CDK8: variants seen among roughly 807,000 people sequenced by gnomAD.
CDK8 encodes cyclin-dependent kinase 8.
A neutral mutation model predicts 71.5 loss-of-function variants in CDK8; 29 were observed. That is an observed-to-expected ratio of 0.41 (90% CI 0.30 to 0.55). The LOEUF (loss-of-function observed/expected upper bound fraction) is 0.55. CDK8 is among the 20% of genes least tolerant of loss of function. CDK8 has a pLI of 0.37. For missense variants in CDK8, 288 were observed against 572.6 expected (o/e 0.50, Z 5.07); for synonymous variants, 161 against 192.1 (o/e 0.84, Z 1.34).
chr13:26,327,332 C>CT (rs1383300487), intron 1 of CDK8, among the ~76,000 whole-genome samples: 6 of 151,872 alleles, frequency 4.0e-5, no homozygotes, highest in African/African-American at 9.7e-5. Context: ...ATTATCCTTC[C>CT]TTTTTTAAGG....
chr13:26,341,168 C>T (rs2137979459), intron 2 of CDK8, among the ~76,000 whole-genome samples: 1 of 152,188 alleles, frequency 6.6e-6, no homozygotes, highest in East Asian at 1.9e-4. Context: ...GCTCTGTTGC[C>T]CAGGCTGGAG....
intron 1 of CDK8, among the ~76,000 whole-genome samples, chr13:26,310,917 G>A (rs985020803): frequency 3.9e-5 from 6 of 152,006 alleles, no homozygotes; most frequent in Admixed American, 3.3e-4. Context: ...TGACATGCCC[G>A]TAAATCCTGG....
intron 1 of CDK8, among the ~76,000 whole-genome samples, chr13:26,280,002 G>A (rs1872682059): frequency 6.6e-6 from 1 of 151,820 alleles, no homozygotes; most frequent in African/African-American, 2.4e-5. Flanking sequence ...TGTGTGTAAA[G>A]ATACGGTAAA....
At chr13:26,335,043 A>C (rs1179948437) in intron 1 of CDK8, among the ~76,000 whole-genome samples, 1 of 152,046 alleles carries the variant, frequency 6.6e-6, no homozygotes, top group African/African-American at 2.4e-5. Context: ...CTATATTGTT[A>C]GCTCTTTTTC....
intron 1 of CDK8, among the ~76,000 whole-genome samples, chr13:26,260,291 G>A (rs759787890): frequency 7.2e-5 from 11 of 152,102 alleles, no homozygotes; most frequent in Non-Finnish European, 1.3e-4. Context: ...ATTTAACAGT[G>A]GAGATAAATT....
At chr13:26,379,146 T>A (rs1452831256) in intron 4 of CDK8, among the ~76,000 whole-genome samples, 1 of 152,208 alleles carries the variant, frequency 6.6e-6, no homozygotes, top group Non-Finnish European at 1.5e-5. Context: ...GAAAGTAACA[T>A]GAGGAGGGAC....
chr13:26,285,357 G>A (rs951235987), intron 1 of CDK8, among the ~76,000 whole-genome samples: 1 of 152,168 alleles, frequency 6.6e-6, no homozygotes, highest in African/African-American at 2.4e-5. Context: ...ATTAACACAT[G>A]GAAGTCAATA....
chr13:26,391,500 C>T (rs1875744849), intron 6 of CDK8, among the ~76,000 whole-genome samples: 2 of 151,652 alleles, frequency 1.3e-5, no homozygotes, highest in African/African-American at 4.9e-5. Context: ...AATAACTAAC[C>T]AGATGAATTG....
intron 1 of CDK8, among the ~76,000 whole-genome samples, chr13:26,336,196 CT>C (rs1309563378): frequency 1.3e-5 from 2 of 152,128 alleles, no homozygotes; most frequent in South Asian, 2.1e-4. Context: ...CTGGAACCCC[CT>C]GGGTGTCTAC....
chr13:26,284,942 C>CA lies in CDK8; in HGVS notation c.128+30187dup, dbSNP rs59801630. Among the ~76,000 whole-genome samples the CA allele has an allele frequency of 9.2e-3, 1,332 of 145,194 alleles. 10 individuals carry two copies. The highest frequency in any genetic ancestry group is 0.021 in the Middle Eastern group (6 of 282). On this transcript the variant is annotated intron_variant, in intron 1 of 12. Transcript: ENST00000381527. ...TGATGAACATAAATGCAAAAATCCTCAAAAAAAAAAAAAAGTCTGGGTACA... is the reference window on the plus strand; with the variant it reads ...TGATGAACATAAATGCAAAAATCCTCAAAAAAAAAAAAAAAGTCTGGGTACA...
At chr13:26,257,735 A>G (rs1047299089) in intron 1 of CDK8, among the ~76,000 whole-genome samples, 7 of 152,198 alleles carry the variant, frequency 4.6e-5, no homozygotes, top group Non-Finnish European at 7.4e-5. Context: ...AGACTTCAAT[A>G]TTTGCACTGA....
intron 3 of CDK8, among the ~76,000 whole-genome samples, chr13:26,351,619 A>G (rs1381897024): frequency 6.6e-6 from 1 of 152,176 alleles, no homozygotes; most frequent in African/African-American, 2.4e-5. Flanking sequence ...TTTTACATGT[A>G]GGTACAATGA....
intron 4 of CDK8, among the ~76,000 whole-genome samples, chr13:26,364,557 A>G (rs995099704): frequency 6.6e-6 from 1 of 152,164 alleles, no homozygotes; most frequent in African/African-American, 2.4e-5. Flanking sequence ...GGAAAGTTTC[A>G]GTTTCTTCCT....
intron 1 of CDK8, among the ~76,000 whole-genome samples, chr13:26,277,299 A>G (rs1008958549): frequency 2.0e-5 from 3 of 152,216 alleles, no homozygotes; most frequent in African/African-American, 4.8e-5. Context: ...GTATTAATAA[A>G]TACTTGTTGA....
chr13:26,314,169 C>T (rs988165724), intron 1 of CDK8, among the ~76,000 whole-genome samples: 2 of 152,202 alleles, frequency 1.3e-5, no homozygotes, highest in African/African-American at 4.8e-5. Flanking sequence ...TCATTTTAAC[C>T]TCTTATTCAC....
chr13:26,392,622 G>A lies in CDK8; in HGVS notation c.647-745G>A, dbSNP rs551961043. Among the ~76,000 whole-genome samples the A allele has an allele frequency of 1.1e-4, 17 of 152,136 alleles. 2 individuals carry two copies. In the South Asian group the frequency reaches 2.3e-3, roughly 20 times the overall value. ...ATTATAGGCATGAGCCACCACACCCGGCCGAATTTATAATCCATGTTAACA... is the reference window on the plus strand; with the variant it reads ...ATTATAGGCATGAGCCACCACACCCAGCCGAATTTATAATCCATGTTAACA... On this transcript the variant is annotated intron_variant, in intron 6 of 12. Transcript: ENST00000381527.
rs539842172 is a variant in CDK8 at position 26,290,414 on chromosome 13, T to G, written c.128+35645T>G. On this transcript the variant is annotated intron_variant, in intron 1 of 12. Coordinates refer to ENST00000381527, the MANE Select transcript of CDK8 (RefSeq NM_001260.3). Reference sequence around the variant, plus strand: ...TGGGGATTGGAAAACAGATATGTAGTTGTAATAGAGTGAAACTCACCTGAT... The same window carrying G: ...TGGGGATTGGAAAACAGATATGTAGGTGTAATAGAGTGAAACTCACCTGAT... Among the ~76,000 whole-genome samples the G allele has an allele frequency of 2.6e-5, 4 of 152,296 alleles. No homozygotes were observed. In the South Asian group the frequency reaches 8.3e-4, roughly 32 times the overall value.
intron 1 of CDK8, among the ~76,000 whole-genome samples, chr13:26,257,767 T>C (rs1025394927): frequency 6.6e-6 from 1 of 152,206 alleles, no homozygotes; most frequent in Non-Finnish European, 1.5e-5. Flanking sequence ...ATTTAAAATA[T>C]CAATTTGGGA....
At chr13:26,306,243 T>A (rs1398318910) in intron 1 of CDK8, among the ~76,000 whole-genome samples, 2 of 152,196 alleles carry the variant, frequency 1.3e-5, no homozygotes, top group Non-Finnish European at 2.9e-5. Flanking sequence ...TCCTTTCCTG[T>A]ATCTTCCCTG....
Sources: allele counts gnomAD v4.1 joint callset (sites outside exome capture counted in the v4.1 genomes callset), GRCh38; gene constraint gnomAD v4.1.1; transcripts MANE v1.5; gene names NCBI Gene and HGNC (gene_info 2026-07-23, HGNC 2026-07-21).